The following RCBTB2 variants were observed in gnomAD, a reference collection of about 807,000 sequenced individuals.
RCBTB2 encodes the protein RCC1 and BTB domain containing protein 2.
RCBTB2 carries 55 observed loss-of-function variants against 65.4 expected under a neutral mutation model. That is an observed-to-expected ratio of 0.84 (90% confidence interval 0.68 to 1.05). The LOEUF (loss-of-function observed/expected upper bound fraction) is 1.05, where lower values mean the gene tolerates loss of function less well. Ranked by LOEUF, RCBTB2 falls within the 50% of genes least tolerant of loss-of-function variation. RCBTB2 has a pLI of 0.00. For missense variants in RCBTB2, 599 were observed against 680.1 expected, an observed-to-expected ratio of 0.88 and a Z score of 1.33; for synonymous variants, 220 against 255.2, an observed-to-expected ratio of 0.86 and a Z score of 1.31.
intron 10 of RCBTB2, among the ~76,000 whole-genome samples, chr13:48,509,949 G>T (rs966542895): frequency 6.6e-6 from 1 of 152,050 alleles, no homozygotes; most frequent in Admixed American, 6.5e-5. Flanking sequence ...ATAGTGAAAC[G>T]TTTTTGCTCT....
At chr13:48,493,290 C>T (rs919669864) in intron 14 of RCBTB2, among the ~76,000 whole-genome samples, 13 of 76,564 alleles carry the variant, frequency 1.7e-4, no homozygotes, top group Non-Finnish European at 2.2e-4. Flanking sequence ...TCTCTCTCTC[C>T]ACACACACAC....
In RCBTB2 at chr13:48,499,610, T is replaced by C; in HGVS notation, c.1384+11A>G. 1 of 1,612,886 alleles carries C rather than the reference T, an allele frequency of 6.2e-7. No homozygotes were observed. The highest frequency in any genetic ancestry group is 8.5e-7 in the Non-Finnish European group (1 of 1,179,608). On this transcript the variant is annotated intron_variant, in intron 13 of 14. Coordinates refer to ENST00000344532, the MANE Select transcript of RCBTB2 (RefSeq NM_001268.4). ...CATTTTGCCAAGTTTTTGGAAGTCT[T>C]TGGCAATTACCTACTGCCTCCTCAG...
chr13:48,493,333 TCTCTCTCTTCTCTTCTCTCTCTCACC>T (rs1949821393), intron 14 of RCBTB2, among the ~76,000 whole-genome samples: 1 of 138,792 alleles, frequency 7.2e-6, no homozygotes, highest in Admixed American at 7.0e-5. Context: ...TCTCTCTCTC[TCTCTCTCTTCTCTTCTCTCTCTCACC>T]CTCTCTCTCT....
chr13:48,502,677 T>C, intron 11 of RCBTB2, 47 bp downstream of exon 11: 4 of 1,549,874 alleles, frequency 2.6e-6, no homozygotes, highest in Non-Finnish European at 3.5e-6. Flanking sequence ...CCTGAGCTCT[T>C]TCCCAGATTT....
At chr13:48,502,357 G>C (rs528915401) in intron 11 of RCBTB2, among the ~76,000 whole-genome samples, 5 of 151,994 alleles carry the variant, frequency 3.3e-5, no homozygotes, top group Admixed American at 6.5e-5. Context: ...GCCAGGCATG[G>C]TAATGGGTAT....
chr13:48,497,376 A>G (rs1410781602), intron 13 of RCBTB2, among the ~76,000 whole-genome samples: 2 of 152,168 alleles, frequency 1.3e-5, no homozygotes, highest in South Asian at 2.1e-4. Context: ...AAGTAATTCA[A>G]CGTAGACTGG....
At chr13:48,534,961 T>C (rs182161161), upstream of RCBTB2, among the ~76,000 whole-genome samples, 3 of 152,370 alleles carry the variant, frequency 2.0e-5, no homozygotes, top group Admixed American at 2.0e-4. Context: ...GTGCATGCTC[T>C]TATTTAAGTT....
rs951479285 is a variant in RCBTB2 at position 48,489,914 on chromosome 13, A to C, written c.*197T>G. 1.6e-6 allele frequency: 1 copy of C among 628,166 alleles called. No individual in the cohort carries two copies. Among genetic ancestry groups the C allele is most frequent in the African/African-American group, 1.9e-5 (1 of 54,034 alleles). The allele number at this position is 628,166 out of a possible 1,614,324, so 38.9% of individuals were successfully genotyped here. A position where few individuals can be genotyped will look rare whatever the true frequency, so the allele number is the denominator to read the frequency against. On this transcript the variant is annotated 3_prime_UTR_variant, in exon 15 of 15. Coordinates refer to ENST00000344532, the MANE Select transcript of RCBTB2 (RefSeq NM_001268.4). ...TTTTCCTTGACCTTAGTCACATCTG[A>C]TCAGAACATTCAATGCTTTCTACAT...
In RCBTB2 at chr13:48,499,479, G is replaced by C. The variant is rs1422823769; in HGVS notation, c.1384+142C>G. 1.2e-5 allele frequency: 10 copies of C among 818,018 alleles called. No homozygotes were observed. The East Asian group carries it at 2.2e-4, about 18-fold the overall frequency. 50.7% of individuals were successfully genotyped at this position (818,018 alleles called of 1,614,324 possible). On this transcript the variant is annotated intron_variant, in intron 13 of 14. Transcript: ENST00000344532. ...AACCTTTGTAATAAAGTAGTAACAAGGGAAACGTGTTTGGATTCAACACAC... is the reference window on the plus strand; with the variant it reads ...AACCTTTGTAATAAAGTAGTAACAACGGAAACGTGTTTGGATTCAACACAC...
At chr13:48,518,756 GC>G (rs1476003709) in intron 4 of RCBTB2, among the ~76,000 whole-genome samples, 1 of 151,928 alleles carries the variant, frequency 6.6e-6, no homozygotes, top group Admixed American at 6.6e-5. Context: ...TGAAAAAAGA[GC>G]AACTTGCCCA....
chr13:48,512,146 C>T lies in RCBTB2; in HGVS notation c.545G>A (p.Gly182Glu), dbSNP rs759701030. Reference protein sequence around the residue: ...EVFAWGYNNSGQVGSGSTVNQ... With the variant: ...EVFAWGYNNSEQVGSGSTVNQ... ...AACTGTTGATCCAGATCCTACCTGC[C>T]CAGAGTTATTATAACCCCAGGCAAA... Residue 182 changes from glycine (G) to glutamate (E), a missense_variant, in exon 8 of 15, where the codon GGG becomes GAG. Coordinates refer to ENST00000344532, the MANE Select transcript of RCBTB2 (RefSeq NM_001268.4). 6.2e-7 allele frequency: 1 copy of T among 1,613,924 alleles called. No homozygotes were observed.
In RCBTB2 at chr13:48,493,354, C is replaced by G. The variant is rs79148927; in HGVS notation, c.1515+2837G>C. On this transcript the variant is annotated intron_variant, in intron 14 of 14. Coordinates refer to ENST00000344532, the MANE Select transcript of RCBTB2 (RefSeq NM_001268.4). Reference sequence around the variant, plus strand: ...TCTCTCTCTCTCTTCTCTTCTCTCTCTCACCCTCTCTCTCTCTCCCTACCT... The same window carrying G: ...TCTCTCTCTCTCTTCTCTTCTCTCTGTCACCCTCTCTCTCTCTCCCTACCT... Among the ~76,000 whole-genome samples the G allele has an allele frequency of 0.011, 1,492 of 141,790 alleles. 52 individuals carry two copies. The East Asian group carries it at 0.11, about 10-fold the overall frequency. The allele number at this position is 141,790 out of a possible 152,430, so 93.0% of individuals were successfully genotyped here. A position where few individuals can be genotyped will look rare whatever the true frequency, so the allele number is the denominator to read the frequency against.
rs1949604308 is a variant in RCBTB2 at position 48,489,264 on chromosome 13, C to T, written c.*847G>A. ...AAGAGACCTATTTTATAGTGAGTGA[C>T]ATGAAAGTCAACTACAAGAAAAGCA... On this transcript the variant is annotated 3_prime_UTR_variant, in exon 15 of 15. Transcript: ENST00000344532. The T allele has an allele frequency of 6.6e-6, 1 of 152,180 alleles. No homozygotes were observed. Among genetic ancestry groups the T allele is most frequent in the African/African-American group, 2.4e-5 (1 of 41,438 alleles). 9.4% of individuals were successfully genotyped at this position (152,180 alleles called of 1,614,324 possible).
chr13:48,527,330 T>A (rs968760216), intron 1 of RCBTB2, among the ~76,000 whole-genome samples: 46 of 131,370 alleles, frequency 3.5e-4, no homozygotes, highest in African/African-American at 1.7e-3. Context: ...CATATATATA[T>A]ATATATGATA....
intron 10 of RCBTB2, chr13:48,504,311 C>G: frequency 1.0e-6 from 1 of 985,428 alleles, no homozygotes; most frequent in Non-Finnish European, 1.2e-6. Context: ...AGATAAAATC[C>G]TGACACAAGA....
chr13:48,511,731 A>T (rs1455785025), intron 9 of RCBTB2, 39 bp downstream of exon 9: 1 of 1,536,074 alleles, frequency 6.5e-7, no homozygotes, highest in Non-Finnish European at 8.9e-7. Flanking sequence ...GCCAGCGAAG[A>T]CTTAAAAATA....
intron 5 of RCBTB2, 89 bp downstream of exon 5, chr13:48,515,497 C>T (rs1038113633): frequency 3.7e-6 from 5 of 1,366,740 alleles, no homozygotes; most frequent in South Asian, 1.4e-5. Context: ...TTTTTTTTAA[C>T]CTTTTATTCC....
At position 48,501,690 on chromosome 13, in the gene RCBTB2, A is replaced by G. The variant is rs552601053; in HGVS notation, c.1244+52T>C. 13 of 1,509,878 alleles carry G rather than the reference A, an allele frequency of 8.6e-6. 1 individual carries two copies. The South Asian group carries it at 1.4e-4, about 16-fold the overall frequency. The allele number at this position is 1,509,878 out of a possible 1,614,324, so 93.5% of individuals were successfully genotyped here. A position where few individuals can be genotyped will look rare whatever the true frequency, so the allele number is the denominator to read the frequency against. Reference sequence around the variant, plus strand: ...CCTAATATAGTTGGACACTTAGAATATAATTGTTGAACGAATTACTTTTCT... The same window carrying G: ...CCTAATATAGTTGGACACTTAGAATGTAATTGTTGAACGAATTACTTTTCT... On this transcript the variant is annotated intron_variant, in intron 12 of 14. Coordinates refer to ENST00000344532, the MANE Select transcript of RCBTB2 (RefSeq NM_001268.4).
intron 10 of RCBTB2, among the ~76,000 whole-genome samples, chr13:48,505,648 A>G (rs9332032): frequency 0.014 from 2,184 of 152,334 alleles, 55 homozygotes; most frequent in African/African-American, 0.049. Context: ...GGATAGCGAC[A>G]TGGTCTGTCT....
Sources: gnomAD v4.1 joint callset for allele counts (sites outside exome capture counted in the v4.1 genomes callset) on GRCh38, gnomAD v4.1.1 for gene constraint, MANE v1.5 for transcripts, NCBI Gene and HGNC (gene_info 2026-07-23, HGNC 2026-07-21) for gene names.